Variants in OPCML observed in about 807,000 individuals in gnomAD.
OPCML encodes the protein opioid-binding protein/cell adhesion molecule.
Under a neutral mutation model 37.8 loss-of-function variants are expected in OPCML, and 13 were observed. The ratio of observed to expected loss-of-function variants is 0.34; its 90% confidence interval spans 0.22 to 0.55. OPCML has a LOEUF of 0.55. Among genes scored for constraint, OPCML ranks in the 20% least tolerant of loss-of-function variants. The pLI is 0.91. For missense variants in OPCML, 341 were observed against 435.6 expected (o/e 0.78, Z 1.93); for synonymous variants, 176 against 168.8 (o/e 1.04, Z -0.33).
chr11:132,753,659 A>G (rs189542051), intron 2 of OPCML, among the ~76,000 whole-genome samples: 27 of 152,348 alleles, frequency 1.8e-4, no homozygotes, highest in African/African-American at 6.5e-4. Context: ...AGTGATGGGT[A>G]TACATAGGAA....
chr11:133,357,174 G>A (rs191762902), intron 1 of OPCML, among the ~76,000 whole-genome samples: 1 of 152,270 alleles, frequency 6.6e-6, no homozygotes, highest in African/African-American at 2.4e-5. Context: ...AGGCATGGTC[G>A]TTGTTAGGAA....
At chr11:133,043,804 T>G (rs1398430061) in intron 1 of OPCML, among the ~76,000 whole-genome samples, 1 of 152,108 alleles carries the variant, frequency 6.6e-6, no homozygotes, top group East Asian at 1.9e-4. Context: ...AGCAGATAGA[T>G]CTCAAATAAT....
chr11:132,920,260 C>T (rs1298025513), intron 2 of OPCML, among the ~76,000 whole-genome samples: 1 of 152,178 alleles, frequency 6.6e-6, no homozygotes, highest in South Asian at 2.1e-4. Context: ...CTGCAAAGAC[C>T]TGGGAGTCTA....
chr11:133,409,126 G>A (rs910322474), intron 1 of OPCML, among the ~76,000 whole-genome samples: 2 of 152,142 alleles, frequency 1.3e-5, no homozygotes, highest in African/African-American at 4.8e-5. Context: ...TAACCCTCTA[G>A]AGCAGGCATC....
chr11:133,198,564 G>A (rs1040934638), intron 1 of OPCML, among the ~76,000 whole-genome samples: 2 of 152,334 alleles, frequency 1.3e-5, no homozygotes, highest in East Asian at 1.9e-4. Flanking sequence ...GAAGAAAGGC[G>A]TTGTCAGGGG....
At chr11:132,857,306 T>C (rs993644329) in intron 2 of OPCML, among the ~76,000 whole-genome samples, 1 of 152,250 alleles carries the variant, frequency 6.6e-6, no homozygotes, top group African/African-American at 2.4e-5. Context: ...TGAAATTCTT[T>C]GTACAATTTT....
rs563682849 is a variant in OPCML at position 132,685,205 on chromosome 11, C to T, written c.147-27886G>A. Among the ~76,000 whole-genome samples, 19 of 152,318 alleles carry T rather than the reference C, an allele frequency of 1.2e-4. No homozygotes were observed. The South Asian group carries it at 2.1e-3, about 17-fold the overall frequency. ...AATAGTCTATTGCAATAGACAAGCA[C>T]TGGATTTTCCCTTTCCGTTTTTGTG... On this transcript the variant is annotated intron_variant, in intron 2 of 7. Coordinates refer to ENST00000524381, the MANE Select transcript of OPCML (RefSeq NM_001012393.5).
At chr11:133,088,717 C>A (rs971372022) in intron 1 of OPCML, among the ~76,000 whole-genome samples, 2 of 152,166 alleles carry the variant, frequency 1.3e-5, no homozygotes, top group African/African-American at 4.8e-5. Flanking sequence ...TAGAATTATA[C>A]AAGATATGCT....
intron 3 of OPCML, among the ~76,000 whole-genome samples, chr11:132,644,131 C>A (rs552032114): frequency 1.2e-4 from 19 of 152,200 alleles, no homozygotes; most frequent in Non-Finnish European, 2.6e-4. Flanking sequence ...ATCATAATAA[C>A]CAAAAGAACC....
chr11:132,768,953 G>A (rs1238470609), intron 2 of OPCML, among the ~76,000 whole-genome samples: 7 of 152,140 alleles, frequency 4.6e-5, no homozygotes, highest in Non-Finnish European at 1.0e-4. Flanking sequence ...AGCTTGTACT[G>A]TAGAGCAAGA....
chr11:133,499,661 T>C (rs980193732), intron 1 of OPCML, among the ~76,000 whole-genome samples: 1 of 151,858 alleles, frequency 6.6e-6, no homozygotes, highest in Non-Finnish European at 1.5e-5. Flanking sequence ...GTCACCCACC[T>C]GCTGCCTGGG....
chr11:133,423,424 G>A lies in OPCML; in HGVS notation c.61+108840C>T, dbSNP rs143959234. The stretch of plus-strand genomic sequence containing the variant: ...GGTAGGAGATAACTCAGAGAGTTCC[G>A]CCTGCAATGCATCTGCAGGCAAATC... On this transcript the variant is annotated intron_variant, in intron 1 of 7. Transcript: ENST00000524381. 16 of 985,274 alleles carry A rather than the reference G, an allele frequency of 1.6e-5. No individual in the cohort carries two copies. The East Asian group carries it at 5.7e-4, about 35-fold the overall frequency. 61.0% of individuals were successfully genotyped at this position (985,274 alleles called of 1,614,324 possible).
chr11:132,420,171 T>C lies in OPCML; in HGVS notation c.*22A>G. ...TGTGATATGGAGAAGCAGGCGTTGC[T>C]CAGAGGACCTAGGATTTCTTATCAA... On this transcript the variant is annotated 3_prime_UTR_variant, in exon 8 of 8. Transcript: ENST00000524381. 6.2e-7 allele frequency: 1 copy of C among 1,610,100 alleles called. No individual in the cohort carries two copies. Among genetic ancestry groups the C allele is most frequent in the Non-Finnish European group, 8.5e-7 (1 of 1,176,450 alleles).
At chr11:132,580,076 C>T (rs2096459205) in intron 3 of OPCML, among the ~76,000 whole-genome samples, 1 of 152,118 alleles carries the variant, frequency 6.6e-6, no homozygotes, top group Admixed American at 6.5e-5. Context: ...TCTTTGCAGC[C>T]TGAGAGAAGG....
chr11:133,450,813 G>A (rs1379281796), intron 1 of OPCML, among the ~76,000 whole-genome samples: 3 of 151,652 alleles, frequency 2.0e-5, no homozygotes, highest in African/African-American at 7.3e-5. Context: ...GATATTGTGA[G>A]GTTCCACAGA....
chr11:133,396,698 A>C (rs1565612377), intron 1 of OPCML, among the ~76,000 whole-genome samples: 1 of 152,220 alleles, frequency 6.6e-6, no homozygotes, highest in Non-Finnish European at 1.5e-5. Context: ...GCTCTTTTGC[A>C]TGTAAACTAC....
intron 1 of OPCML, chr11:133,423,525 C>T (rs2136900090): frequency 2.0e-6 from 2 of 979,052 alleles, no homozygotes; most frequent in Non-Finnish European, 2.4e-6. Flanking sequence ...GAAAAGAAGT[C>T]CTAACGAGAA....
intron 1 of OPCML, among the ~76,000 whole-genome samples, chr11:133,290,591 A>C (rs1815781): frequency 0.64 from 97,011 of 152,044 alleles, 32,247 homozygotes; most frequent in East Asian, 0.85. Flanking sequence ...CAGGCACCAG[A>C]CCCAGAGACC....
At chr11:133,032,890 C>T (rs1415555137) in intron 1 of OPCML, among the ~76,000 whole-genome samples, 1 of 152,224 alleles carries the variant, frequency 6.6e-6, no homozygotes, top group Non-Finnish European at 1.5e-5. Flanking sequence ...CCTACTGCTT[C>T]TCTGACTTCA....
Sources: allele counts gnomAD v4.1 joint callset (sites outside exome capture counted in the v4.1 genomes callset), GRCh38; gene constraint gnomAD v4.1.1; transcripts MANE v1.5; gene names NCBI Gene and HGNC (gene_info 2026-07-23, HGNC 2026-07-21).